The following ARMH1 variants were observed in gnomAD, a reference collection of about 807,000 sequenced individuals.
ARMH1 encodes armadillo like helical domain containing 1.
In ARMH1, 34 loss-of-function variants were observed where a neutral mutation model predicts 50.2. The ratio of observed to expected loss-of-function variants is 0.68; its 90% CI spans 0.51 to 0.90. The LOEUF (loss-of-function observed/expected upper bound fraction) is 0.90. Among genes scored for constraint, ARMH1 ranks in the 40% least tolerant of loss-of-function variants. The probability of loss-of-function intolerance (pLI) is 0.00; values close to 1 mark genes in which losing one functional copy is unlikely to be tolerated. For missense variants in ARMH1, 538 were observed against 553.9 expected, an observed-to-expected ratio of 0.97 and a Z score of 0.29; for synonymous variants, 221 against 224.2, an observed-to-expected ratio of 0.99 and a Z score of 0.13.
chr1:44,689,679 A>G lies in ARMH1; in HGVS notation c.-19A>G, dbSNP rs1212712201. 6.4e-7 allele frequency: 1 copy of G among 1,550,628 alleles called. No individual in the cohort carries two copies. The highest frequency in any genetic ancestry group is 8.7e-7 in the Non-Finnish European group (1 of 1,146,234). Reference sequence around the variant, plus strand: ...TCTCTTTTCCCTCCCTCTGTAGCCAACTTCAGGACTGATTGATCATGACTT... The same window carrying G: ...TCTCTTTTCCCTCCCTCTGTAGCCAGCTTCAGGACTGATTGATCATGACTT... On this transcript the variant is annotated 5_prime_UTR_variant, in exon 2 of 12. Coordinates refer to ENST00000535358, the MANE Select transcript of ARMH1 (RefSeq NM_001145636.2).
chr1:44,714,253 G>C (rs562487304), intron 6 of ARMH1, among the ~76,000 whole-genome samples: 3 of 147,842 alleles, frequency 2.0e-5, no homozygotes. Flanking sequence ...CTGGGTGACA[G>C]AGCGAGACTC....
chr1:44,677,427 T>C (rs1336998157), intron 1 of ARMH1, among the ~76,000 whole-genome samples: 1 of 152,110 alleles, frequency 6.6e-6, no homozygotes, highest in African/African-American at 2.4e-5. Flanking sequence ...AGTTGAAGAT[T>C]GTGGCAAAAC....
chr1:44,704,436 A>AC (rs371695742), intron 6 of ARMH1, among the ~76,000 whole-genome samples: 48 of 152,140 alleles, frequency 3.2e-4, no homozygotes, highest in African/African-American at 9.4e-4. Context: ...TCCTGGCTAA[A>AC]CAGAAATCAC....
At chr1:44,711,550 A>G (rs1050318163) in intron 6 of ARMH1, among the ~76,000 whole-genome samples, 10 of 152,150 alleles carry the variant, frequency 6.6e-5, no homozygotes, top group African/African-American at 2.4e-4. Context: ...TTTTTCATAT[A>G]TTCTAGTTTC....
chr1:44,705,062 C>T (rs1038971948), intron 6 of ARMH1, among the ~76,000 whole-genome samples: 1 of 147,078 alleles, frequency 6.8e-6, no homozygotes, highest in African/African-American at 2.5e-5. Context: ...GTCTCGATCT[C>T]CTGACCTCGT....
chr1:44,721,737 A>G (rs1460041388), intron 6 of ARMH1: 6 of 152,006 alleles, frequency 3.9e-5, no homozygotes, highest in African/African-American at 1.5e-4. Context: ...CAACCTCCCA[A>G]AGCATGAAAC....
chr1:44,709,644 C>T (rs1288392212), intron 6 of ARMH1, among the ~76,000 whole-genome samples: 1 of 151,398 alleles, frequency 6.6e-6, no homozygotes, highest in African/African-American at 2.4e-5. Flanking sequence ...TGCACTCCAG[C>T]CTGGCAACAG....
At chr1:44,711,440 A>T (rs1457103674) in intron 6 of ARMH1, among the ~76,000 whole-genome samples, 1 of 152,206 alleles carries the variant, frequency 6.6e-6, no homozygotes, top group Non-Finnish European at 1.5e-5. Context: ...TTGAACATAG[A>T]CGTGTTTCAT....
intron 1 of ARMH1, among the ~76,000 whole-genome samples, chr1:44,678,196 G>A (rs984092496): frequency 3.3e-5 from 5 of 152,164 alleles, no homozygotes; most frequent in African/African-American, 7.2e-5. Flanking sequence ...GGTTGACCTC[G>A]CCAGTTACAT....
At chr1:44,685,142 G>A (rs1415279398) in intron 1 of ARMH1, among the ~76,000 whole-genome samples, 1 of 151,908 alleles carries the variant, frequency 6.6e-6, no homozygotes, top group Non-Finnish European at 1.5e-5. Context: ...GCCCACCAAG[G>A]GCCTACTATA....
At chr1:44,701,302 A>G (rs1646071111) in intron 5 of ARMH1, among the ~76,000 whole-genome samples, 183 bp downstream of exon 5, 1 of 152,218 alleles carries the variant, frequency 6.6e-6, no homozygotes, top group Non-Finnish European at 1.5e-5. Flanking sequence ...GCCTCCCAGC[A>G]GAGTGATTTG....
At chr1:44,703,142 G>T (rs1429112923) in intron 5 of ARMH1, among the ~76,000 whole-genome samples, 1 of 152,108 alleles carries the variant, frequency 6.6e-6, no homozygotes, top group African/African-American at 2.4e-5. Context: ...GAAAAAGGGG[G>T]CTGTCTGATG....
At chr1:44,699,065 G>A (rs1229009324) in intron 4 of ARMH1, among the ~76,000 whole-genome samples, 17 of 151,904 alleles carry the variant, frequency 1.1e-4, no homozygotes, top group Non-Finnish European at 7.4e-5. Context: ...GTCGGATCAC[G>A]AGGTCAGGAG....
intron 4 of ARMH1, among the ~76,000 whole-genome samples, 171 bp downstream of exon 4, chr1:44,698,400 A>G (rs1327772692): frequency 3.9e-5 from 6 of 152,194 alleles, no homozygotes; most frequent in African/African-American, 1.4e-4. Context: ...CTCCTGATTC[A>G]TCATTTGCTC....
At chr1:44,689,568 A>C in intron 1 of ARMH1, 108 bp from the exon 2 acceptor site, 2 of 844,880 alleles carry the variant, frequency 2.4e-6, no homozygotes, top group Non-Finnish European at 3.8e-6. Context: ...AACTACATCC[A>C]TTTGCATGAT....
chr1:44,702,143 T>C (rs1646110403), intron 5 of ARMH1, among the ~76,000 whole-genome samples: 1 of 152,110 alleles, frequency 6.6e-6, no homozygotes, highest in African/African-American at 2.4e-5. Context: ...ATCATTATTA[T>C]CTTATTTCCA....
intron 6 of ARMH1, among the ~76,000 whole-genome samples, chr1:44,720,479 A>G (rs1647053990): frequency 6.6e-6 from 1 of 152,224 alleles, no homozygotes; most frequent in Non-Finnish European, 1.5e-5. Context: ...CATTGTGTAC[A>G]TGGAATGGTT....
chr1:44,719,464 G>C (rs542012968), intron 6 of ARMH1, among the ~76,000 whole-genome samples: 1 of 152,320 alleles, frequency 6.6e-6, no homozygotes, highest in South Asian at 2.1e-4. Context: ...CCCTGGAGTG[G>C]AGAAGTCAGC....
At chr1:44,721,617 G>C (rs573654609) in intron 6 of ARMH1, among the ~76,000 whole-genome samples, 3 of 152,056 alleles carry the variant, frequency 2.0e-5, no homozygotes, top group African/African-American at 2.4e-5. Context: ...AAATTAGACA[G>C]GCTTATGAGG....
Sources: allele counts gnomAD v4.1 joint callset (sites outside exome capture counted in the v4.1 genomes callset), GRCh38; gene constraint gnomAD v4.1.1; transcripts MANE v1.5; gene names NCBI Gene and HGNC (gene_info 2026-07-23, HGNC 2026-07-21).